The following KCNMA1 variants were observed in gnomAD, a reference collection of about 807,000 sequenced individuals.
KCNMA1 encodes potassium calcium-activated channel subfamily M alpha 1.
A neutral mutation model predicts 140.0 loss-of-function variants in KCNMA1; 29 were observed. The ratio of observed to expected loss-of-function variants is 0.21; its 90% CI spans 0.15 to 0.28. KCNMA1 has a LOEUF of 0.28. Among genes scored for constraint, KCNMA1 ranks in the 10% least tolerant of loss-of-function variants. The pLI, the probability that KCNMA1 is intolerant of heterozygous loss-of-function variation, is 1.00. For synonymous variants in KCNMA1, 612 were observed against 611.9 expected (o/e 1.00, Z 0.00); for missense variants, 880 against 1,602.2 (o/e 0.55, Z 7.70).
intron 5 of KCNMA1, chr10:77,148,238 C>T (rs1244814230): frequency 1.3e-5 from 2 of 152,172 alleles, no homozygotes; most frequent in African/African-American, 2.4e-5. Context: ...CCTATAAAGC[C>T]AATTCAGAGA....
intron 3 of KCNMA1, among the ~76,000 whole-genome samples, chr10:77,243,522 G>C (rs1035713327): frequency 1.3e-5 from 2 of 152,248 alleles, no homozygotes; most frequent in African/African-American, 4.8e-5. Flanking sequence ...AGAGGGCTGA[G>C]AGAGTGCCAG....
chr10:77,577,210 C>A (rs1603637409), intron 1 of KCNMA1, among the ~76,000 whole-genome samples: 1 of 151,828 alleles, frequency 6.6e-6, no homozygotes. Context: ...CCATGCCCGG[C>A]TAATTTTTTT....
chr10:77,150,736 C>G (rs571239665), intron 5 of KCNMA1, among the ~76,000 whole-genome samples: 1 of 152,172 alleles, frequency 6.6e-6, no homozygotes, highest in Admixed American at 6.5e-5. Context: ...CTGTCAGAAC[C>G]GCTGAGAGAG....
chr10:77,270,542 T>C (rs7897433), intron 2 of KCNMA1, among the ~76,000 whole-genome samples: 10,049 of 151,042 alleles, frequency 0.067, 1,110 homozygotes, highest in African/African-American at 0.23. Flanking sequence ...TTTTTTTTTT[T>C]CCAGGGTCTT....
At chr10:77,306,888 C>T (rs2077897759) in intron 2 of KCNMA1, among the ~76,000 whole-genome samples, 1 of 152,230 alleles carries the variant, frequency 6.6e-6, no homozygotes, top group Admixed American at 6.5e-5. Context: ...ATGGTGATCA[C>T]TGACCTACTG....
intron 1 of KCNMA1, among the ~76,000 whole-genome samples, chr10:77,604,676 A>T (rs1280179915): frequency 2.6e-5 from 4 of 151,864 alleles, no homozygotes; most frequent in Non-Finnish European, 5.9e-5. Context: ...AACAGAGCAA[A>T]ACCCCATCCC....
At chr10:76,870,704 T>G (rs939597157) in exon 28 of KCNMA1, 3 of 152,358 alleles carry the variant, frequency 2.0e-5, no homozygotes, top group Admixed American at 2.0e-4. Context: ...CCCTCCCTGG[T>G]GAGTCCTCCA....
At chr10:77,556,264 G>C (rs1321107082) in intron 1 of KCNMA1, among the ~76,000 whole-genome samples, 1 of 152,078 alleles carries the variant, frequency 6.6e-6, no homozygotes, top group African/African-American at 2.4e-5. Flanking sequence ...CAGCACTTTG[G>C]GAGGCCGAGG....
chr10:77,310,244 C>T (rs2078917609), intron 2 of KCNMA1, among the ~76,000 whole-genome samples: 1 of 152,200 alleles, frequency 6.6e-6, no homozygotes, highest in Non-Finnish European at 1.5e-5. Flanking sequence ...TGGTAAACAG[C>T]CAATGGCCTT....
intron 5 of KCNMA1, among the ~76,000 whole-genome samples, chr10:77,133,049 A>G (rs2097898458): frequency 6.6e-6 from 1 of 152,036 alleles, no homozygotes; most frequent in Non-Finnish European, 1.5e-5. Context: ...TTGTCTTGAT[A>G]GGATACAATC....
intron 1 of KCNMA1, among the ~76,000 whole-genome samples, chr10:77,625,880 G>A (rs1442242048): frequency 6.6e-6 from 1 of 152,106 alleles, no homozygotes; most frequent in Non-Finnish European, 1.5e-5. Context: ...TGGAATTGCT[G>A]GATTATATGA....
chr10:76,945,984 G>T (rs1333703763), intron 22 of KCNMA1, among the ~76,000 whole-genome samples: 1 of 152,092 alleles, frequency 6.6e-6, no homozygotes, highest in Non-Finnish European at 1.5e-5. Context: ...TATATTGCTT[G>T]AATATTTTAT....
chr10:76,941,073 G>A (rs12770207), intron 23 of KCNMA1, among the ~76,000 whole-genome samples: 2 of 118,198 alleles, frequency 1.7e-5, no homozygotes, highest in Non-Finnish European at 3.3e-5. Context: ...GAAAGAAAAA[G>A]AAAGAAAGAA....
chr10:76,931,729 C>G (rs570745024), intron 23 of KCNMA1, among the ~76,000 whole-genome samples: 1 of 152,128 alleles, frequency 6.6e-6, no homozygotes, highest in Non-Finnish European at 1.5e-5. Flanking sequence ...TGGCGCCATG[C>G]TAGCCTGTCT....
chr10:77,565,278 C>T (rs760400958), intron 1 of KCNMA1, among the ~76,000 whole-genome samples: 3 of 152,252 alleles, frequency 2.0e-5, no homozygotes, highest in East Asian at 3.9e-4. Context: ...TAGAGGACAA[C>T]GCGGATGGTA....
intron 1 of KCNMA1, among the ~76,000 whole-genome samples, chr10:77,477,097 C>A (rs537516070): frequency 6.6e-6 from 1 of 152,172 alleles, no homozygotes; most frequent in Non-Finnish European, 1.5e-5. Flanking sequence ...TGCCTCCTGC[C>A]GGTCATTTGT....
chr10:77,004,638 G>A (rs921780830), intron 18 of KCNMA1, among the ~76,000 whole-genome samples: 2 of 152,126 alleles, frequency 1.3e-5, no homozygotes, highest in African/African-American at 4.8e-5. Flanking sequence ...CAGAAGAATT[G>A]AACACTCTCT....
chr10:77,344,124 T>G (rs945354612), intron 2 of KCNMA1, among the ~76,000 whole-genome samples: 3 of 152,158 alleles, frequency 2.0e-5, no homozygotes, highest in African/African-American at 7.2e-5. Context: ...ATGTCCTGCC[T>G]AACAGTGGAT....
intron 14 of KCNMA1, among the ~76,000 whole-genome samples, chr10:77,056,988 T>C (rs759053811): frequency 3.9e-5 from 6 of 152,046 alleles, no homozygotes; most frequent in Non-Finnish European, 8.8e-5. Flanking sequence ...GCAGAAATAA[T>C]ATGGTGCAGG....
Sources: allele counts gnomAD v4.1 joint callset (sites outside exome capture counted in the v4.1 genomes callset), GRCh38; gene constraint gnomAD v4.1.1; transcripts MANE v1.5; gene names NCBI Gene and HGNC (gene_info 2026-07-23, HGNC 2026-07-21).